ZC3H18: variants seen among roughly 807,000 people sequenced by gnomAD.
The protein encoded by ZC3H18 is zinc finger CCCH domain-containing protein 18.
Under a neutral mutation model 106.1 loss-of-function variants are expected in ZC3H18, and 8 were observed. That is an observed-to-expected ratio of 0.08 (90% CI 0.04 to 0.14). The LOEUF (loss-of-function observed/expected upper bound fraction) is 0.14, where lower values mean the gene tolerates loss of function less well. Among genes scored for constraint, ZC3H18 ranks in the 10% least tolerant of loss-of-function variants. The pLI is 1.00. For missense variants in ZC3H18, 1,318 were observed against 1,278.4 expected (o/e 1.03, Z -0.47); for synonymous variants, 635 against 522.1 (o/e 1.22, Z -2.95).
chr16:88,631,740 C>A lies in ZC3H18; in HGVS notation c.*441C>A. The A allele has an allele frequency of 2.5e-6, 1 of 397,116 alleles. No homozygotes were observed. The highest frequency in any genetic ancestry group is 5.0e-6 in the Non-Finnish European group (1 of 199,830). The allele number at this position is 397,116 out of a possible 1,614,324, so 24.6% of individuals were successfully genotyped here. Reference sequence around the variant, plus strand: ...GGCACATCCTTCTCCTCCCCCGCCCCTGATCACCCGCCCCCGGATCAGAAA... The same window carrying A: ...GGCACATCCTTCTCCTCCCCCGCCCATGATCACCCGCCCCCGGATCAGAAA... On this transcript the variant is annotated 3_prime_UTR_variant, in exon 18 of 18. Coordinates refer to ENST00000301011, the MANE Select transcript of ZC3H18 (RefSeq NM_144604.4).
At chr16:88,624,993 G>A (rs2291159) in intron 12 of ZC3H18, among the ~76,000 whole-genome samples, 35,142 of 152,126 alleles carry the variant, frequency 0.23, 4,351 homozygotes, top group East Asian at 0.37. Flanking sequence ...CCATGGCCCC[G>A]TCTGCACTGG....
intron 6 of ZC3H18, among the ~76,000 whole-genome samples, 182 bp downstream of exon 6, chr16:88,600,130 C>G (rs1449906682): frequency 6.6e-6 from 1 of 152,170 alleles, no homozygotes; most frequent in African/African-American, 2.4e-5. Flanking sequence ...CAGTTTTTTG[C>G]TTCTAGGAAG....
At chr16:88,609,138 C>T (rs1266704572) in intron 7 of ZC3H18, 87 bp downstream of exon 7, 2 of 1,106,262 alleles carry the variant, frequency 1.8e-6, no homozygotes, top group African/African-American at 1.6e-5. Flanking sequence ...AAATACAGGG[C>T]TTTATATGAG....
chr16:88,598,092 G>GCCCCCCCCCCCCCCCC, intron 3 of ZC3H18, 86 bp from the exon 4 acceptor site: 1 of 349,612 alleles, frequency 2.9e-6, no homozygotes, highest in Non-Finnish European at 5.4e-6. Context: ...CATGGCCTCT[G>GCCCCCCCCCCCCCCCC]CCCCCTCCCA....
intron 3 of ZC3H18, chr16:88,587,413 C>T (rs1915500312): frequency 1.4e-6 from 1 of 707,934 alleles, no homozygotes; most frequent in South Asian, 1.8e-5. Context: ...ATTCAGCGTT[C>T]CCCTTGGAAA....
At chr16:88,584,437 A>G (rs1310418092) in intron 2 of ZC3H18, among the ~76,000 whole-genome samples, 1 of 152,034 alleles carries the variant, frequency 6.6e-6, no homozygotes, top group East Asian at 1.9e-4. Context: ...AAAAAAAAAA[A>G]GCATGGTAAT....
intron 6 of ZC3H18, among the ~76,000 whole-genome samples, chr16:88,603,008 A>G (rs1472183002): frequency 1.3e-5 from 2 of 150,666 alleles, no homozygotes; most frequent in African/African-American, 4.9e-5. Flanking sequence ...TCTGTCACCC[A>G]GGCTGGAGTG....
chr16:88,592,137 C>T (rs1375765758), intron 3 of ZC3H18, among the ~76,000 whole-genome samples: 1 of 152,156 alleles, frequency 6.6e-6, no homozygotes, highest in Non-Finnish European at 1.5e-5. Context: ...ACTTTCCCAC[C>T]AGTGGTGTGG....
intron 3 of ZC3H18, among the ~76,000 whole-genome samples, chr16:88,592,689 C>T (rs1915821900): frequency 6.6e-6 from 1 of 152,156 alleles, no homozygotes; most frequent in African/African-American, 2.4e-5. Flanking sequence ...GTTGGTCAGG[C>T]TGGTCTCGAA....
chr16:88,583,296 T>A (rs1915244339), intron 2 of ZC3H18, among the ~76,000 whole-genome samples: 1 of 152,276 alleles, frequency 6.6e-6, no homozygotes, highest in Admixed American at 6.5e-5. Flanking sequence ...GTGTCATTGC[T>A]CTGAGTTAGT....
At chr16:88,623,110 T>G in intron 9 of ZC3H18, 109 bp from the exon 10 acceptor site, 2 of 1,467,106 alleles carry the variant, frequency 1.4e-6, no homozygotes, top group Non-Finnish European at 1.8e-6. Flanking sequence ...TGTGCGCTTG[T>G]GTGTAGCTGT....
chr16:88,617,936 A>G lies in ZC3H18; in HGVS notation c.1476-4261A>G, dbSNP rs1597353691. Among the ~76,000 whole-genome samples, 3 of 152,352 alleles carry G rather than the reference A, an allele frequency of 2.0e-5. No individual in the cohort carries two copies. The South Asian group carries it at 6.2e-4, about 32-fold the overall frequency. On this transcript the variant is annotated intron_variant, in intron 8 of 17. Coordinates refer to ENST00000301011, the MANE Select transcript of ZC3H18 (RefSeq NM_144604.4). Reference sequence around the variant, plus strand: ...CTGCTGGGAGTGGGCCAGGCTACACAGTCTTCTTCAGAGGGATTTGTGACT... The same window carrying G: ...CTGCTGGGAGTGGGCCAGGCTACACGGTCTTCTTCAGAGGGATTTGTGACT...
At chr16:88,580,942 G>T (rs1434063165) in intron 2 of ZC3H18, among the ~76,000 whole-genome samples, 1 of 152,190 alleles carries the variant, frequency 6.6e-6, no homozygotes, top group Non-Finnish European at 1.5e-5. Context: ...GCAAATGGAT[G>T]TTTCTGAGGC....
At chr16:88,624,436 A>C in intron 11 of ZC3H18, 166 bp from the exon 12 acceptor site, 2 of 1,122,636 alleles carry the variant, frequency 1.8e-6, no homozygotes, top group Non-Finnish European at 1.3e-6. Context: ...GTTCCCAAGC[A>C]CTCTGACACC....
chr16:88,629,942 C>T (rs1410090365), intron 16 of ZC3H18, among the ~76,000 whole-genome samples: 1 of 152,244 alleles, frequency 6.6e-6, no homozygotes, highest in Admixed American at 6.5e-5. Context: ...GTCCCTAAGC[C>T]CAGGGCCTGT....
intron 8 of ZC3H18, among the ~76,000 whole-genome samples, chr16:88,617,497 C>CCGAGGCA (rs1353824411): frequency 6.6e-6 from 1 of 152,194 alleles, no homozygotes; most frequent in Non-Finnish European, 1.5e-5. Context: ...GTGCTCACCG[C>CCGAGGCA]CGAGGCACGT....
intron 3 of ZC3H18, among the ~76,000 whole-genome samples, chr16:88,593,865 C>T (rs1056230580): frequency 6.6e-6 from 1 of 152,162 alleles, no homozygotes; most frequent in African/African-American, 2.4e-5. Flanking sequence ...AGGACTTTCT[C>T]AGGTGACCAT....
chr16:88,601,241 AGAT>A (rs1192210870), intron 6 of ZC3H18, among the ~76,000 whole-genome samples: 2 of 152,258 alleles, frequency 1.3e-5, no homozygotes, highest in African/African-American at 4.8e-5. Flanking sequence ...GTGGAATGTC[AGAT>A]CACAGAAAGG....
At chr16:88,576,617 G>T (rs1276069604) in intron 1 of ZC3H18, among the ~76,000 whole-genome samples, 4 of 152,202 alleles carry the variant, frequency 2.6e-5, no homozygotes, top group Non-Finnish European at 4.4e-5. Context: ...AAAGGCTCCA[G>T]ACTTGGACAC....
Sources: gnomAD v4.1 joint callset for allele counts (sites outside exome capture counted in the v4.1 genomes callset) on GRCh38, gnomAD v4.1.1 for gene constraint, MANE v1.5 for transcripts, NCBI Gene and HGNC (gene_info 2026-07-23, HGNC 2026-07-21) for gene names.